Variants in CDH22 observed in about 807,000 individuals in gnomAD.
CDH22 encodes the protein cadherin-22.
A neutral mutation model predicts 58.4 loss-of-function variants in CDH22; 30 were observed. The ratio of observed to expected loss-of-function variants is 0.51; its 90% CI spans 0.38 to 0.70. The LOEUF (loss-of-function observed/expected upper bound fraction) is 0.70, where lower values mean the gene tolerates loss of function less well. Ranked by LOEUF, CDH22 falls within the 30% of genes least tolerant of loss-of-function variation. The pLI, the probability that CDH22 is intolerant of heterozygous loss-of-function variation, is 0.00. For synonymous variants in CDH22, 513 were observed against 558.2 expected, an observed-to-expected ratio of 0.92 and a Z score of 1.14; for missense variants, 1,014 against 1,233.9, an observed-to-expected ratio of 0.82 and a Z score of 2.67.
At chr20:46,255,646 A>T (rs541025055) in intron 1 of CDH22, among the ~76,000 whole-genome samples, 3 of 152,246 alleles carry the variant, frequency 2.0e-5, no homozygotes, top group African/African-American at 7.2e-5. Context: ...GTGCCCTGGC[A>T]GCCTGCCAAC....
intron 7 of CDH22, among the ~76,000 whole-genome samples, chr20:46,203,376 G>A (rs888668615): frequency 3.3e-5 from 5 of 152,078 alleles, no homozygotes; most frequent in Admixed American, 2.0e-4. Context: ...TGTAGTGCTC[G>A]CATGGGTTGT....
At position 46,251,469 on chromosome 20, in the gene CDH22, G is replaced by A. The variant is rs2086375198; in HGVS notation, c.-175C>T. On this transcript the variant is annotated 5_prime_UTR_variant, in exon 2 of 12. Coordinates refer to ENST00000537909, the MANE Select transcript of CDH22 (RefSeq NM_021248.3). The surrounding 1 kb of genome is among the most constrained non-coding windows in gnomAD (Gnocchi z 6.7). ...CCGCGGCCCTGAACGCCGCCCAGCC[G>A]CGGGGGTACCCGGCTGGAGGGGGAG... 2 of 653,820 alleles carry A rather than the reference G, an allele frequency of 3.1e-6. No individual in the cohort carries two copies. Among genetic ancestry groups the A allele is most frequent in the Non-Finnish European group, 4.4e-6 (2 of 458,712 alleles). 40.5% of individuals were successfully genotyped at this position (653,820 alleles called of 1,614,324 possible).
chr20:46,244,146 A>G (rs1018241866), intron 2 of CDH22, among the ~76,000 whole-genome samples: 2 of 152,172 alleles, frequency 1.3e-5, no homozygotes, highest in Admixed American at 1.3e-4. Context: ...CTGGGTCTCC[A>G]TCATGTCCCT....
chr20:46,279,403 T>A lies in CDH22; in HGVS notation c.-399-27710A>T, dbSNP rs148217274. ...TCTTACGGGTCCATCGCTAAGGGAG[T>A]GGACAAATAAAATGGAGTGTATTCA... On this transcript the variant is annotated intron_variant, in intron 1 of 11. Transcript: ENST00000537909. 2.0e-5 allele frequency among the ~76,000 whole-genome samples: 3 copies of A among 151,622 alleles called. No homozygotes were observed. The East Asian group carries it at 5.8e-4, about 29-fold the overall frequency.
chr20:46,178,837 T>C (rs561862415), intron 10 of CDH22, among the ~76,000 whole-genome samples: 1 of 151,840 alleles, frequency 6.6e-6, no homozygotes, highest in Non-Finnish European at 1.5e-5. Flanking sequence ...TGACAAGGAG[T>C]CTCTGCCTAA....
chr20:46,306,095 C>G (rs1406544494), intron 1 of CDH22, among the ~76,000 whole-genome samples: 2 of 152,250 alleles, frequency 1.3e-5, no homozygotes, highest in Non-Finnish European at 2.9e-5. Flanking sequence ...TAAAGGCATT[C>G]AACAGCTTTC....
intron 1 of CDH22, among the ~76,000 whole-genome samples, chr20:46,252,273 A>C (rs1166757170): frequency 1.3e-5 from 2 of 152,048 alleles, no homozygotes; most frequent in African/African-American, 4.8e-5. Context: ...GGGATACAGC[A>C]CCTGAGTCCC....
chr20:46,210,362 A>G lies in CDH22; in HGVS notation c.1231T>C (p.Ser411Pro). ...LEVQEDAQVG[S>P]LVGVVTARDP... is the part of the protein sequence containing the mutation. The stretch of plus-strand genomic sequence containing the variant: ...CGCGCCGTCACCACGCCGACCAGGG[A>G]GCCCACCTGCGCGTCCTCCTGCACC... The change falls in exon 7 of 12, where the codon TCC becomes CCC. Residue 411 changes from serine to proline, a missense_variant. Around this residue, in one of 2 missense-constraint regions of CDH22, gnomAD observed 806 missense variants for 1,038.7 expected, o/e 0.78. Transcript: ENST00000537909. This position sits in a 1 kb window ranked among gnomAD's most constrained non-coding sequence, Gnocchi z 4.5. 1 of 1,475,308 alleles carries G rather than the reference A, an allele frequency of 6.8e-7. No individual in the cohort carries two copies. The allele number at this position is 1,475,308 out of a possible 1,614,324, so 91.4% of individuals were successfully genotyped here.
chr20:46,275,883 C>T (rs2086514995), intron 1 of CDH22, among the ~76,000 whole-genome samples: 1 of 149,176 alleles, frequency 6.7e-6, no homozygotes, highest in Non-Finnish European at 1.5e-5. Flanking sequence ...CAAAAGGCTG[C>T]TATGGGAGCA....
At chr20:46,252,811 G>A (rs2086386766) in intron 1 of CDH22, among the ~76,000 whole-genome samples, 1 of 152,232 alleles carries the variant, frequency 6.6e-6, no homozygotes, top group South Asian at 2.1e-4. Flanking sequence ...GCATATGATC[G>A]GGGCTATAAA....
intron 8 of CDH22, among the ~76,000 whole-genome samples, chr20:46,198,039 C>T (rs927472064): frequency 6.6e-6 from 1 of 152,104 alleles, no homozygotes; most frequent in Non-Finnish European, 1.5e-5. Flanking sequence ...GTCATGATTG[C>T]TTATTGGTGG....
chr20:46,281,097 C>T (rs2086548801), intron 1 of CDH22, among the ~76,000 whole-genome samples: 1 of 152,204 alleles, frequency 6.6e-6, no homozygotes, highest in Non-Finnish European at 1.5e-5. Context: ...TCACTGGGGC[C>T]ATCTTGAACT....
At position 46,231,720 on chromosome 20, in the gene CDH22, G is replaced by A. The variant is rs549989224; in HGVS notation, c.551-4093C>T. 4.6e-5 allele frequency among the ~76,000 whole-genome samples: 7 copies of A among 152,330 alleles called. No individual in the cohort carries two copies. In the East Asian group the frequency reaches 1.4e-3, roughly 29 times the overall value. The stretch of plus-strand genomic sequence containing the variant: ...AGCTCTTCCCAGCTGAAGTCAGCAT[G>A]AGAAGTCGGACACTCTTCAGAGGAG... On this transcript the variant is annotated intron_variant, in intron 3 of 11. Transcript: ENST00000537909.
At position 46,178,548 on chromosome 20, in the gene CDH22, C is replaced by T. The variant is rs578031200; in HGVS notation, c.1664-351G>A. 6.0e-4 allele frequency among the ~76,000 whole-genome samples: 90 copies of T among 150,404 alleles called. No individual in the cohort carries two copies. The South Asian group carries it at 8.0e-3, about 13-fold the overall frequency. On this transcript the variant is annotated intron_variant, in intron 10 of 11. Coordinates refer to ENST00000537909, the MANE Select transcript of CDH22 (RefSeq NM_021248.3). ...AAGGTCCCCAGCTATTCCCAGATTC[C>T]GTCCCCAGCTAGGCCAAGGTCCTGT...
At chr20:46,237,708 A>G (rs1158705247) in intron 3 of CDH22, among the ~76,000 whole-genome samples, 2 of 152,284 alleles carry the variant, frequency 1.3e-5, no homozygotes, top group Admixed American at 6.5e-5. Context: ...GAGTCAAGAC[A>G]GAGCTGGGTC....
At chr20:46,295,860 T>C (rs1317802854) in intron 1 of CDH22, among the ~76,000 whole-genome samples, 2 of 152,220 alleles carry the variant, frequency 1.3e-5, no homozygotes, top group Admixed American at 6.5e-5. Flanking sequence ...ACTCCAGGGC[T>C]CAAGCGATCC....
chr20:46,221,365 C>T (rs1038267895), intron 4 of CDH22, among the ~76,000 whole-genome samples: 2 of 145,822 alleles, frequency 1.4e-5, no homozygotes, highest in African/African-American at 5.1e-5. Flanking sequence ...TTTGTCTGGG[C>T]TTACTCACGC....
intron 2 of CDH22, among the ~76,000 whole-genome samples, chr20:46,245,015 A>C (rs1403058939): frequency 6.6e-6 from 1 of 152,226 alleles, no homozygotes; most frequent in East Asian, 1.9e-4. Flanking sequence ...TCTCATCTGT[A>C]AATGGGACTG....
intron 4 of CDH22, among the ~76,000 whole-genome samples, chr20:46,223,817 T>TCTTCCTTCCTTCCTTCCTTCCTTC (rs11287075): frequency 7.2e-6 from 1 of 138,182 alleles, no homozygotes; most frequent in African/African-American, 2.8e-5. Context: ...TTTCTTCCTT[T>TCTTCCTTCCTTCCTTCCTTCCTTC]CTTCCTTCCT....
Sources: allele counts gnomAD v4.1 joint callset (sites outside exome capture counted in the v4.1 genomes callset), GRCh38; gene constraint gnomAD v4.1.1; regional missense constraint gnomAD v4.1.1; non-coding constraint Gnocchi (gnomAD v3.1); transcripts MANE v1.5; gene names NCBI Gene and HGNC (gene_info 2026-07-23, HGNC 2026-07-21).